TTC12: variants seen among roughly 807,000 people sequenced by gnomAD.
The protein encoded by TTC12 is tetratricopeptide repeat domain 12.
In TTC12, 70 loss-of-function variants were observed where a neutral mutation model predicts 90.1. The observed-to-expected ratio is 0.78, with a 90% confidence interval of 0.64 to 0.95. The LOEUF (loss-of-function observed/expected upper bound fraction) is 0.95, where lower values mean the gene tolerates loss of function less well. Among genes scored for constraint, TTC12 ranks in the 40% least tolerant of loss-of-function variants. The pLI is 0.00. For missense variants in TTC12, 819 were observed against 846.1 expected (o/e 0.97, Z 0.40); for synonymous variants, 296 against 311.5 (o/e 0.95, Z 0.53).
chr11:113,328,718 T>C (rs1388735969), intron 6 of TTC12, among the ~76,000 whole-genome samples: 1 of 152,186 alleles, frequency 6.6e-6, no homozygotes, highest in African/African-American at 2.4e-5. Context: ...ACCATCACAA[T>C]CAATTTTTGA....
chr11:113,359,737 C>T (rs536893486), intron 17 of TTC12, among the ~76,000 whole-genome samples: 3 of 152,276 alleles, frequency 2.0e-5, no homozygotes, highest in East Asian at 1.9e-4. Context: ...AAATAAAAGG[C>T]GGTTCCTGCT....
downstream of TTC12, chr11:113,366,433 T>G (rs1464777183): frequency 6.7e-7 from 1 of 1,493,600 alleles, no homozygotes. Flanking sequence ...ATTTCAGGTT[T>G]TCACGGGTAA....
At chr11:113,364,651 G>T in intron 20 of TTC12, 184 bp from the exon 21 acceptor site, 2 of 606,614 alleles carry the variant, frequency 3.3e-6, no homozygotes, top group Non-Finnish European at 5.9e-6. Context: ...GTTCAGCAAG[G>T]AGTTGAGGAG....
Position 113,364,920 on chromosome 11 carries a change from G to C in TTC12, c.1902G>C (p.Glu634Asp). 1 of 1,614,184 alleles carries C rather than the reference G, an allele frequency of 6.2e-7. No individual in the cohort carries two copies. Among genetic ancestry groups the C allele is most frequent in the Non-Finnish European group, 8.5e-7 (1 of 1,180,040 alleles). The change falls in exon 21 of 22, where the codon GAG (glutamate) becomes GAC (aspartate). Residue 634 changes from glutamate (E) to aspartate (D), a missense_variant. Glu to Asp is a conservative substitution (Grantham distance 45). Transcript: ENST00000529221. ...NAALCLGNCM[E>D]VPNVASSLLK... ...CCCTCTGCCTTGGTAACTGCATGGA[G>C]GTGCCCAACGTTGCGTCTTCCCTGC... is the stretch of plus-strand genomic sequence containing the variant.
At chr11:113,327,812 G>A (rs1174326049) in intron 6 of TTC12, among the ~76,000 whole-genome samples, 1 of 152,238 alleles carries the variant, frequency 6.6e-6, no homozygotes, top group East Asian at 1.9e-4. Context: ...CTGAGACCCT[G>A]GAGAAAAGGA....
downstream of TTC12, chr11:113,368,582 A>G: frequency 1.6e-6 from 2 of 1,260,258 alleles, no homozygotes; most frequent in Middle Eastern, 1.9e-4. Flanking sequence ...GGCAGGTAAC[A>G]GACAGTCCAG....
intron 13 of TTC12, among the ~76,000 whole-genome samples, chr11:113,347,970 A>G (rs1949066401): frequency 6.6e-6 from 1 of 151,688 alleles, no homozygotes; most frequent in Non-Finnish European, 1.5e-5. Context: ...CCCCTCTCCT[A>G]CCTCCTGGCT....
chr11:113,371,361 T>C (rs183315204), downstream of TTC12: 1 of 152,368 alleles, frequency 6.6e-6, no homozygotes, highest in East Asian at 1.9e-4. Context: ...ACTGTATTTC[T>C]TAAAATTTGT....
At chr11:113,346,072 A>C (rs1168872546) in intron 13 of TTC12, among the ~76,000 whole-genome samples, 4 of 152,200 alleles carry the variant, frequency 2.6e-5, no homozygotes, top group Non-Finnish European at 5.9e-5. Context: ...TGCTGCACAT[A>C]GCCCCTTGAC....
chr11:113,357,009 G>A (rs1394028545), intron 16 of TTC12, among the ~76,000 whole-genome samples: 1 of 152,174 alleles, frequency 6.6e-6, no homozygotes, highest in East Asian at 1.9e-4. Flanking sequence ...ATGATATCCT[G>A]AAATATGTTT....
chr11:113,350,044 A>G, intron 13 of TTC12, 29 bp from the exon 14 acceptor site: 1 of 1,567,700 alleles, frequency 6.4e-7, no homozygotes, highest in Non-Finnish European at 8.8e-7. Context: ...GAGGACAGCT[A>G]CCTCTGAGGT....
At position 113,324,600 on chromosome 11, in the gene TTC12, G is replaced by A. The variant is rs781898482; in HGVS notation, c.245-5G>A. Reference sequence around the variant, plus strand: ...TTTTAATATCTGAAATTACCCTGCTGTCAGAGGCCTTCTTGGCATCTGTGG... The same window carrying A: ...TTTTAATATCTGAAATTACCCTGCTATCAGAGGCCTTCTTGGCATCTGTGG... On this transcript the variant is annotated splice_polypyrimidine_tract_variant and splice_region_variant and intron_variant, in intron 4 of 21. Transcript: ENST00000529221. 1 of 1,612,332 alleles carries A rather than the reference G, an allele frequency of 6.2e-7. No homozygotes were observed. Among genetic ancestry groups the A allele is most frequent in the Non-Finnish European group, 8.5e-7 (1 of 1,178,978 alleles).
At chr11:113,366,487 C>A, downstream of TTC12, 1 of 979,186 alleles carries the variant, frequency 1.0e-6, no homozygotes, top group Non-Finnish European at 1.5e-6. Context: ...GGGCTCTGTG[C>A]ACTGGCTTAC....
intron 8 of TTC12, among the ~76,000 whole-genome samples, chr11:113,336,235 C>T (rs1230710307): frequency 6.6e-6 from 1 of 152,020 alleles, no homozygotes; most frequent in Non-Finnish European, 1.5e-5. Context: ...GAAATATCTT[C>T]TTTTATAATG....
rs1946932249 is a variant in TTC12, at chr11:113,316,234, A to C, written c.-15-9A>C. The stretch of plus-strand genomic sequence containing the variant: ...ATTATTAATTTCACCATTATGCTGC[A>C]TCCCTTAGGGATTCCGGTTCACAAT... On this transcript the variant is annotated splice_polypyrimidine_tract_variant and intron_variant, in intron 1 of 21. Coordinates refer to ENST00000529221, the MANE Select transcript of TTC12 (RefSeq NM_017868.4). The C allele has an allele frequency of 7.2e-7, 1 of 1,385,498 alleles. No homozygotes were observed. Among genetic ancestry groups the C allele is most frequent in the Admixed American group, 2.6e-5 (1 of 38,300 alleles). The allele number at this position is 1,385,498 out of a possible 1,614,324, so 85.8% of individuals were successfully genotyped here.
intron 4 of TTC12, 124 bp from the exon 5 acceptor site, chr11:113,324,481 C>A: frequency 1.5e-6 from 1 of 665,552 alleles, no homozygotes; most frequent in South Asian, 1.9e-5. Flanking sequence ...GGTGTGTGTG[C>A]GTGTGTGTGC....
intron 2 of TTC12, among the ~76,000 whole-genome samples, chr11:113,318,788 T>C (rs1947113435): frequency 6.6e-6 from 1 of 151,342 alleles, no homozygotes; most frequent in African/African-American, 2.4e-5. Flanking sequence ...GTGGTGCTTT[T>C]GAGGAACTAA....
chr11:113,324,792 T>C, intron 5 of TTC12, 110 bp downstream of exon 5: 1 of 931,608 alleles, frequency 1.1e-6, no homozygotes, highest in South Asian at 1.6e-5. Context: ...GTGGTGAGGT[T>C]TGTGATGGGC....
chr11:113,354,181 TTCCTGGTTAGC>T (rs1949487262), intron 16 of TTC12, among the ~76,000 whole-genome samples: 8 of 151,666 alleles, frequency 5.3e-5, no homozygotes, highest in Admixed American at 1.3e-4. Flanking sequence ...CTCTTTCACT[TTCCTGGTTAGC>T]TCTATTCCTA....
Sources: allele counts gnomAD v4.1 joint callset (sites outside exome capture counted in the v4.1 genomes callset), GRCh38; gene constraint gnomAD v4.1.1; transcripts MANE v1.5; gene names NCBI Gene and HGNC (gene_info 2026-07-23, HGNC 2026-07-21).